PLEK2: variants seen among roughly 807,000 people sequenced by gnomAD.
The protein encoded by PLEK2 is pleckstrin 2, also known as pleckstrin-2.
A neutral mutation model predicts 43.8 loss-of-function variants in PLEK2; 29 were observed. That is an observed-to-expected ratio of 0.66 (90% CI 0.49 to 0.90). PLEK2 has a LOEUF of 0.90. PLEK2 is among the 40% of genes least tolerant of loss of function. The probability of loss-of-function intolerance (pLI) is 0.00; values close to 1 mark genes in which losing one functional copy is unlikely to be tolerated. For synonymous variants in PLEK2, 162 were observed against 173.2 expected (o/e 0.94, Z 0.51); for missense variants, 398 against 448.1 (o/e 0.89, Z 1.01).
At chr14:67,390,611 G>A in intron 7 of PLEK2, 52 bp downstream of exon 7, 2 of 1,242,404 alleles carry the variant, frequency 1.6e-6, no homozygotes, top group Admixed American at 1.7e-5. Flanking sequence ...GGAGAGGAGT[G>A]TCTGGGGGCA....
intron 1 of PLEK2, among the ~76,000 whole-genome samples, chr14:67,402,433 T>A (rs1020643161): frequency 1.2e-4 from 18 of 152,196 alleles, no homozygotes; most frequent in African/African-American, 4.3e-4. Context: ...ACAATCCGAT[T>A]ATACTCTTTT....
intron 1 of PLEK2, among the ~76,000 whole-genome samples, chr14:67,398,556 TTC>T (rs2086027025): frequency 7.3e-6 from 1 of 136,864 alleles, no homozygotes; most frequent in African/African-American, 2.9e-5. Context: ...TAAACTACCC[TTC>T]TCTTTATTCC....
intron 7 of PLEK2, among the ~76,000 whole-genome samples, chr14:67,389,230 A>C (rs2085949636): frequency 6.6e-6 from 1 of 152,070 alleles, no homozygotes. Flanking sequence ...TAAATAAAAT[A>C]CTGGAAATAT....
intron 1 of PLEK2, among the ~76,000 whole-genome samples, chr14:67,410,150 C>A (rs1595662023): frequency 1.3e-5 from 2 of 152,252 alleles, no homozygotes; most frequent in Middle Eastern, 6.8e-3. Context: ...GAAGTCCCAT[C>A]CTCCTGGTGA....
chr14:67,401,931 G>A (rs190931473), intron 1 of PLEK2, among the ~76,000 whole-genome samples: 204 of 152,250 alleles, frequency 1.3e-3, no homozygotes, highest in African/African-American at 4.8e-3. Context: ...AGGAGTTCGA[G>A]AGCAGTCTGG....
At chr14:67,410,111 T>A (rs1236168835) in intron 1 of PLEK2, among the ~76,000 whole-genome samples, 2 of 152,124 alleles carry the variant, frequency 1.3e-5, no homozygotes, top group Non-Finnish European at 2.9e-5. Context: ...TTCTGCACCC[T>A]GGATTCCCTA....
At chr14:67,408,831 G>A (rs1165749925) in intron 1 of PLEK2, among the ~76,000 whole-genome samples, 2 of 151,882 alleles carry the variant, frequency 1.3e-5, no homozygotes, top group Non-Finnish European at 2.9e-5. Context: ...TTTACTCTTC[G>A]GATTTTAATA....
At chr14:67,391,270 TATGTG>T (rs950857003) in intron 6 of PLEK2, among the ~76,000 whole-genome samples, 2 of 145,090 alleles carry the variant, frequency 1.4e-5, no homozygotes, top group African/African-American at 5.4e-5. Context: ...AAGCAGCTGA[TATGTG>T]TGTGTGTGTG....
Position 67,392,651 on chromosome 14 carries a change from C to G in PLEK2, c.669+11G>C. ...GCCCTGGTGGCAAGAAGAACCCACTCCCCAACTTACAAAAGTGTACAGGGC... is the reference window on the plus strand; with the variant it reads ...GCCCTGGTGGCAAGAAGAACCCACTGCCCAACTTACAAAAGTGTACAGGGC... On this transcript the variant is annotated intron_variant, in intron 5 of 8. Transcript: ENST00000216446. 3.1e-6 allele frequency: 5 copies of G among 1,604,926 alleles called. No individual in the cohort carries two copies. Among genetic ancestry groups the G allele is most frequent in the Non-Finnish European group, 4.3e-6 (5 of 1,173,444 alleles).
chr14:67,392,550 C>T lies in PLEK2; in HGVS notation c.669+112G>A, dbSNP rs543744287. 26 of 1,213,908 alleles carry T rather than the reference C, an allele frequency of 2.1e-5. 1 individual carries two copies. The highest frequency in any genetic ancestry group is 1.6e-4 in the South Asian group (13 of 79,252). 75.2% of individuals were successfully genotyped at this position (1,213,908 alleles called of 1,614,324 possible). On this transcript the variant is annotated intron_variant, in intron 5 of 8. Transcript: ENST00000216446. ...ACCTCATTCTGCATCAGGATGAAGT[C>T]GTCCCCCAAGCCCAAGGTCTCCTCC...
chr14:67,393,978 T>C (rs893101974), intron 3 of PLEK2, among the ~76,000 whole-genome samples: 4 of 152,122 alleles, frequency 2.6e-5, no homozygotes, highest in African/African-American at 7.2e-5. Flanking sequence ...ATCACTTCTG[T>C]TTGTAAGTCC....
At chr14:67,402,372 T>C (rs1420975411) in intron 1 of PLEK2, among the ~76,000 whole-genome samples, 1 of 152,210 alleles carries the variant, frequency 6.6e-6, no homozygotes, top group Non-Finnish European at 1.5e-5. Context: ...ATAATCACAT[T>C]ATGGAGAATG....
At chr14:67,393,029 G>T in intron 4 of PLEK2, 121 bp downstream of exon 4, 1 of 922,656 alleles carries the variant, frequency 1.1e-6, no homozygotes, top group Non-Finnish European at 1.8e-6. Flanking sequence ...GCCATCTCAG[G>T]CTAGCCTGTT....
chr14:67,389,539 T>C (rs1018021191), intron 7 of PLEK2, among the ~76,000 whole-genome samples: 3 of 152,334 alleles, frequency 2.0e-5, no homozygotes, highest in African/African-American at 7.2e-5. Context: ...TCTTCTGCAC[T>C]GTTTCCATCT....
At chr14:67,392,987 T>C (rs2085980419) in intron 4 of PLEK2, 138 bp from the exon 5 acceptor site, 1 of 864,188 alleles carries the variant, frequency 1.2e-6, no homozygotes, top group East Asian at 2.5e-5. Context: ...CCACACCTGC[T>C]GCATAGAGCC....
At chr14:67,392,541 G>T in intron 5 of PLEK2, 114 bp from the exon 6 acceptor site, 1 of 1,200,936 alleles carries the variant, frequency 8.3e-7, no homozygotes, top group Non-Finnish European at 1.2e-6. Flanking sequence ...TTCTGCATCA[G>T]GATGAAGTCG....
At chr14:67,388,193 T>G in intron 8 of PLEK2, 31 bp downstream of exon 8, 1 of 1,460,650 alleles carries the variant, frequency 6.8e-7, no homozygotes. Flanking sequence ...GCCCCTGAGA[T>G]CTTCAGGCCA....
At chr14:67,393,358 A>G (rs1207512684) in intron 3 of PLEK2, 117 bp from the exon 4 acceptor site, 2 of 764,682 alleles carry the variant, frequency 2.6e-6, no homozygotes, top group African/African-American at 3.4e-5. Flanking sequence ...GACACACATC[A>G]CAAAGAAAAG....
intron 7 of PLEK2, among the ~76,000 whole-genome samples, chr14:67,388,627 T>G (rs2085944520): frequency 6.6e-6 from 1 of 152,200 alleles, no homozygotes; most frequent in African/African-American, 2.4e-5. Flanking sequence ...TTCACTGGCT[T>G]CCTTAACCCT....
Sources: allele counts gnomAD v4.1 joint callset (sites outside exome capture counted in the v4.1 genomes callset), GRCh38; gene constraint gnomAD v4.1.1; transcripts MANE v1.5; gene names NCBI Gene and HGNC (gene_info 2026-07-23, HGNC 2026-07-21).